Variants in NUP153 observed in about 807,000 individuals in gnomAD.
NUP153 encodes the protein nuclear pore complex protein Nup153.
Under a neutral mutation model 134.6 loss-of-function variants are expected in NUP153, and 27 were observed. The observed-to-expected ratio is 0.20, with a 90% CI of 0.15 to 0.28. The LOEUF (loss-of-function observed/expected upper bound fraction) is 0.28, where lower values mean the gene tolerates loss of function less well. NUP153 is among the 10% of genes least tolerant of loss of function. The pLI is 1.00. For synonymous variants in NUP153, 640 were observed against 623.5 expected (o/e 1.03, Z -0.40); for missense variants, 1,821 against 1,731.3 (o/e 1.05, Z -0.92).
intron 5 of NUP153, among the ~76,000 whole-genome samples, chr6:17,671,567 G>A (rs573969974): frequency 3.3e-5 from 5 of 152,038 alleles, no homozygotes; most frequent in South Asian, 2.1e-4. Context: ...AAATATGTTC[G>A]AGATCTGTAT....
intron 1 of NUP153, among the ~76,000 whole-genome samples, chr6:17,702,977 G>C (rs1243885346): frequency 6.6e-6 from 1 of 151,782 alleles, no homozygotes; most frequent in Non-Finnish European, 1.5e-5. Context: ...GTGGCGGGTG[G>C]ATCACCTGAG....
At chr6:17,684,217 T>C (rs1581758893) in intron 2 of NUP153, among the ~76,000 whole-genome samples, 1 of 152,334 alleles carries the variant, frequency 6.6e-6, no homozygotes, top group East Asian at 1.9e-4. Context: ...TCTCAAGTAT[T>C]CCTTTATAGA....
At chr6:17,682,452 C>A (rs1250193560) in intron 2 of NUP153, among the ~76,000 whole-genome samples, 1 of 152,168 alleles carries the variant, frequency 6.6e-6, no homozygotes, top group Non-Finnish European at 1.5e-5. Context: ...CGAAAGATTT[C>A]TCTGTGGCAT....
chr6:17,620,162 C>T (rs753571700), intron 20 of NUP153, among the ~76,000 whole-genome samples: 1 of 146,384 alleles, frequency 6.8e-6, no homozygotes, highest in Non-Finnish European at 1.5e-5. Context: ...CATATGGAAC[C>T]ACAGGAGTCC....
intron 2 of NUP153, among the ~76,000 whole-genome samples, chr6:17,687,326 A>T (rs539543060): frequency 9.8e-5 from 15 of 152,342 alleles, no homozygotes; most frequent in Admixed American, 2.6e-4. Flanking sequence ...GAAAACAGAA[A>T]AAGAAAAGCC....
chr6:17,618,626 CA>C (rs1266578715), intron 20 of NUP153, among the ~76,000 whole-genome samples: 8 of 149,848 alleles, frequency 5.3e-5, no homozygotes, highest in Admixed American at 1.3e-4. Flanking sequence ...AGTGCAGTGG[CA>C]CGGTCTCAGC....
chr6:17,685,548 C>CAAAAAA (rs71536744), intron 2 of NUP153, among the ~76,000 whole-genome samples: 1 of 98,642 alleles, frequency 1.0e-5, no homozygotes, highest in Non-Finnish European at 2.0e-5. Context: ...GACTCCGTCT[C>CAAAAAA]AAAAAAAAAA....
Position 17,628,655 on chromosome 6 carries a change from C to G in NUP153, c.3544G>C (p.Asp1182His). The change falls in exon 18 of 22, where the codon GAT (aspartate) becomes CAT (histidine). Residue 1182 changes from aspartate to histidine, a missense_variant and splice_region_variant. By Grantham distance (81) the Asp-to-His change is moderately conservative (BLOSUM62 -1). Coordinates refer to ENST00000262077, the MANE Select transcript of NUP153 (RefSeq NM_005124.4). The surrounding 1 kb of genome is among the most constrained non-coding windows in gnomAD (Gnocchi z 5.4). ...ATAATAATAAAAAGTTAATACTTAC[C>G]AGCTGTAGTACTAGTTTGAGCTCCA... ...AFGAQTSTTADQGAAKPVFSF... is the reference protein window; with the variant it reads ...AFGAQTSTTAHQGAAKPVFSF... 1.3e-6 allele frequency: 2 copies of G among 1,486,696 alleles called. No individual in the cohort carries two copies. The highest frequency in any genetic ancestry group is 1.8e-6 in the Non-Finnish European group (2 of 1,113,552). The allele number at this position is 1,486,696 out of a possible 1,614,324, so 92.1% of individuals were successfully genotyped here.
chr6:17,688,349 G>A, intron 2 of NUP153, 47 bp downstream of exon 2: 1 of 1,441,830 alleles, frequency 6.9e-7, no homozygotes, highest in Non-Finnish European at 9.7e-7. Context: ...TCAAAATTAG[G>A]GCATGAAAAC....
At chr6:17,698,729 C>A (rs1490073307) in intron 1 of NUP153, among the ~76,000 whole-genome samples, 1 of 135,822 alleles carries the variant, frequency 7.4e-6, no homozygotes. Context: ...CAGAGCAAGA[C>A]TCTGTCTCAA....
At chr6:17,633,606 A>G (rs1396413074) in intron 16 of NUP153, among the ~76,000 whole-genome samples, 2 of 152,218 alleles carry the variant, frequency 1.3e-5, no homozygotes, top group Non-Finnish European at 2.9e-5. Flanking sequence ...AGAAGGAAGA[A>G]ATGACTAAGA....
rs762561986 is a variant in NUP153 at position 17,649,258 on chromosome 6, T to C, written c.1438A>G (p.Thr480Ala). ...TTAAAGGTAGGCAGTGAAGAACTGG[T>C]GATCGGTAGAGAGATTTTCGGTAAT... is the stretch of plus-strand genomic sequence containing the variant. ...PVLPKISLPI[T>A]SSSLPTFNFS... Residue 480 changes from threonine to alanine, a missense_variant, in exon 12 of 22, where the codon ACC becomes GCC. Coordinates refer to ENST00000262077, the MANE Select transcript of NUP153 (RefSeq NM_005124.4). 6.2e-7 allele frequency: 1 copy of C among 1,613,944 alleles called. No individual in the cohort carries two copies. The highest frequency in any genetic ancestry group is 1.1e-5 in the South Asian group (1 of 91,070).
rs1180643494 is a variant in NUP153, at chr6:17,701,831, T to TGGGG, written c.111+4445_111+4446insCCCC. ...CTGGGCAACAGAGCAAGACTCTGTC[T>TGGGG]CGGGGGGGGGGGGAAAAAAGCTAAA... On this transcript the variant is annotated intron_variant, in intron 1 of 21. Coordinates refer to ENST00000262077, the MANE Select transcript of NUP153 (RefSeq NM_005124.4). 2.5e-3 allele frequency among the ~76,000 whole-genome samples: 37 copies of TGGGG among 15,032 alleles called. 2 individuals carry two copies. Among genetic ancestry groups the TGGGG allele is most frequent in the Non-Finnish European group, 5.4e-3 (29 of 5,378 alleles). The allele number at this position is 15,032 out of a possible 152,430, so 9.9% of individuals were successfully genotyped here. A position where few individuals can be genotyped will look rare whatever the true frequency, so the allele number is the denominator to read the frequency against.
In NUP153 at chr6:17,629,536, A is replaced by C; in HGVS notation, c.2663T>G (p.Phe888Cys). The C allele has an allele frequency of 1.3e-6, 2 of 1,580,524 alleles. No homozygotes were observed. Among genetic ancestry groups the C allele is most frequent in the South Asian group, 2.4e-5 (2 of 84,946 alleles). Residue 888 changes from phenylalanine to cysteine, a missense_variant, in exon 18 of 22, where the codon TTT (phenylalanine) becomes TGT (cysteine). By Grantham distance (205) the Phe-to-Cys change is radical. Coordinates refer to ENST00000262077, the MANE Select transcript of NUP153 (RefSeq NM_005124.4). ...GTTCGAAGATGAGGAAGATGTGTCAAAGCCTACAAAAATATAAAAGACACC... is the reference window on the plus strand; with the variant it reads ...GTTCGAAGATGAGGAAGATGTGTCACAGCCTACAAAAATATAAAAGACACC... ...KPGTKSGFKG[F>C]DTSSSSSNSA... is the part of the protein sequence containing the mutation.
rs1266030578 is a variant in NUP153, at chr6:17,628,115, T to C, written c.3544+540A>G. On this transcript the variant is annotated intron_variant, in intron 18 of 21. Transcript: ENST00000262077. This position sits in a 1 kb window ranked among gnomAD's most constrained non-coding sequence, Gnocchi z 5.4. ...TATTCAGCTCACAGAATGACTTTAA[T>C]AGGATCCACCAACAATCATGCTTTT... Among the ~76,000 whole-genome samples the C allele has an allele frequency of 6.6e-6, 1 of 152,212 alleles. No individual in the cohort carries two copies. Among genetic ancestry groups the C allele is most frequent in the African/African-American group, 2.4e-5 (1 of 41,468 alleles).
chr6:17,628,195 CTT>C lies in NUP153; in HGVS notation c.3544+458_3544+459del, dbSNP rs963818176. Among the ~76,000 whole-genome samples, 3 of 152,134 alleles carry C rather than the reference CTT, an allele frequency of 2.0e-5. No homozygotes were observed. Among genetic ancestry groups the C allele is most frequent in the Non-Finnish European group, 2.9e-5 (2 of 68,024 alleles). On this transcript the variant is annotated intron_variant, in intron 18 of 21. Transcript: ENST00000262077. This position sits in a 1 kb window ranked among gnomAD's most constrained non-coding sequence, Gnocchi z 5.4. ...CCCAGGACTTCAGCTTTCAAAATCTCTTGTTTTCTCAGGATTAATTATATTTG... is the reference window on the plus strand; with the variant it reads ...CCCAGGACTTCAGCTTTCAAAATCTCGTTTTCTCAGGATTAATTATATTTG...
intron 11 of NUP153, among the ~76,000 whole-genome samples, chr6:17,660,583 C>T (rs568133453): frequency 2.6e-4 from 39 of 151,338 alleles, no homozygotes; most frequent in African/African-American, 9.2e-4. Context: ...TCTTAATATA[C>T]ATATAAGAAA....
rs1339064362 is a variant in NUP153 at position 17,701,805 on chromosome 6, C to CCTGG, written c.111+4468_111+4471dup. On this transcript the variant is annotated intron_variant, in intron 1 of 21. Coordinates refer to ENST00000262077, the MANE Select transcript of NUP153 (RefSeq NM_005124.4). Reference sequence around the variant, plus strand: ...CCAAGATTGTGCCACTGCACTCCAGCCTGGGCAACAGAGCAAGACTCTGTC... The same window carrying CCTGG: ...CCAAGATTGTGCCACTGCACTCCAGCCTGGCTGGGCAACAGAGCAAGACTCTGTC... Among the ~76,000 whole-genome samples, 75 of 129,694 alleles carry CCTGG rather than the reference C, an allele frequency of 5.8e-4. 2 individuals carry two copies. Among genetic ancestry groups the CCTGG allele is most frequent in the East Asian group, 2.2e-4 (1 of 4,600 alleles). 85.1% of individuals were successfully genotyped at this position (129,694 alleles called of 152,430 possible).
intron 12 of NUP153, among the ~76,000 whole-genome samples, chr6:17,648,216 T>C (rs999663773): frequency 9.9e-5 from 15 of 152,178 alleles, no homozygotes; most frequent in African/African-American, 3.6e-4. Flanking sequence ...CCAGGTACAG[T>C]GCCTCACACC....
Sources: allele counts gnomAD v4.1 joint callset (sites outside exome capture counted in the v4.1 genomes callset), GRCh38; gene constraint gnomAD v4.1.1; non-coding constraint Gnocchi (gnomAD v3.1); transcripts MANE v1.5; gene names NCBI Gene and HGNC (gene_info 2026-07-23, HGNC 2026-07-21).